The following ZNF532 variants were observed in gnomAD, a reference collection of about 807,000 sequenced individuals.
ZNF532 encodes zinc finger protein 532.
In ZNF532, 22 loss-of-function variants were observed where a neutral mutation model predicts 89.3. The observed-to-expected ratio is 0.25, with a 90% CI of 0.18 to 0.35. The LOEUF is 0.35. Ranked by LOEUF, ZNF532 falls within the 10% of genes least tolerant of loss-of-function variation. ZNF532 has a pLI of 1.00. For missense variants in ZNF532, 1,132 were observed against 1,643.4 expected, an observed-to-expected ratio of 0.69 and a Z score of 5.38; for synonymous variants, 606 against 649.6, an observed-to-expected ratio of 0.93 and a Z score of 1.02.
At chr18:58,893,842 C>T (rs1428244222) in intron 2 of ZNF532, among the ~76,000 whole-genome samples, 2 of 152,098 alleles carry the variant, frequency 1.3e-5, no homozygotes, top group Admixed American at 6.5e-5. Context: ...CCAGAGAGAG[C>T]AGTGGTTACA....
intron 2 of ZNF532, among the ~76,000 whole-genome samples, chr18:58,904,592 C>T: frequency 6.6e-6 from 1 of 152,016 alleles, no homozygotes; most frequent in Non-Finnish European, 1.5e-5. Context: ...AATTTCTTTC[C>T]TTGTGATCCC....
At chr18:58,961,007 T>C (rs1228198598) in intron 7 of ZNF532, among the ~76,000 whole-genome samples, 1 of 152,250 alleles carries the variant, frequency 6.6e-6, no homozygotes, top group East Asian at 1.9e-4. Context: ...TAACCCATCC[T>C]TCTTTGTGGC....
At chr18:58,976,235 A>T (rs1259346710) in intron 7 of ZNF532, among the ~76,000 whole-genome samples, 1 of 152,204 alleles carries the variant, frequency 6.6e-6, no homozygotes, top group Admixed American at 6.5e-5. Flanking sequence ...TGCATTTTTC[A>T]TAAAGATGCT....
At chr18:58,895,124 A>G (rs952270) in intron 2 of ZNF532, among the ~76,000 whole-genome samples, 5,490 of 152,308 alleles carry the variant, frequency 0.036, 98 homozygotes, top group East Asian at 0.056. Flanking sequence ...AATTGTTGCT[A>G]AAGTTTGACC....
chr18:58,958,153 A>C (rs914932171), intron 7 of ZNF532, among the ~76,000 whole-genome samples: 3 of 152,074 alleles, frequency 2.0e-5, no homozygotes, highest in African/African-American at 7.2e-5. Context: ...TCTTTTTAAA[A>C]AATGAATTGT....
chr18:58,941,107 A>G (rs999990402), intron 5 of ZNF532, among the ~76,000 whole-genome samples: 16 of 151,934 alleles, frequency 1.1e-4, no homozygotes, highest in Non-Finnish European at 2.2e-4. Context: ...TAGGACCTTC[A>G]TTCTGATCTT....
chr18:58,961,799 T>C (rs2065376122), intron 7 of ZNF532, among the ~76,000 whole-genome samples: 1 of 152,210 alleles, frequency 6.6e-6, no homozygotes, highest in Admixed American at 6.5e-5. Context: ...ATAGATGTCC[T>C]CCATGTGAGG....
chr18:58,942,521 G>A (rs985672043), intron 5 of ZNF532, among the ~76,000 whole-genome samples: 25 of 152,156 alleles, frequency 1.6e-4, no homozygotes, highest in Non-Finnish European at 3.1e-4. Flanking sequence ...TAATCGCATG[G>A]ATTCAGTGTG....
intron 2 of ZNF532, among the ~76,000 whole-genome samples, chr18:58,897,225 C>T (rs757070972): frequency 5.3e-5 from 8 of 152,120 alleles, no homozygotes; most frequent in Admixed American, 1.3e-4. Flanking sequence ...GCATTAAGCA[C>T]GTAATTTTGT....
intron 2 of ZNF532, among the ~76,000 whole-genome samples, chr18:58,898,149 C>A (rs139939047): frequency 3.3e-5 from 5 of 152,246 alleles, no homozygotes; most frequent in African/African-American, 1.2e-4. Flanking sequence ...GCTTACATTG[C>A]TAAACTTGGA....
intron 7 of ZNF532, among the ~76,000 whole-genome samples, chr18:58,967,639 G>A (rs2066058701): frequency 6.6e-6 from 1 of 152,090 alleles, no homozygotes. Flanking sequence ...GGCATGGAGA[G>A]CCTGGCAAGT....
rs577781410 is a variant in ZNF532 at position 58,866,943 on chromosome 18, T to C, written c.-18+1364T>C. 1.1e-4 allele frequency among the ~76,000 whole-genome samples: 17 copies of C among 152,374 alleles called. 1 individual carries two copies. The highest frequency in any genetic ancestry group is 3.4e-3 in the Middle Eastern group (1 of 294). On this transcript the variant is annotated intron_variant, in intron 2 of 9. Transcript: ENST00000591808. ...TTCTTTACAAATCACTGTGCTAAAA[T>C]TGGTTTTCAATTCTCCATCATTTCT...
chr18:58,868,200 T>C (rs1008938979), intron 2 of ZNF532, among the ~76,000 whole-genome samples: 1 of 152,242 alleles, frequency 6.6e-6, no homozygotes, highest in African/African-American at 2.4e-5. Flanking sequence ...CCCCATCATG[T>C]ACTCCTAATC....
At chr18:58,863,755 G>A (rs1203494806), upstream of ZNF532, 1 of 152,156 alleles carries the variant, frequency 6.6e-6, no homozygotes, top group African/African-American at 2.4e-5. Flanking sequence ...AAGGGGGTGG[G>A]TGTGCGCCTC....
chr18:58,947,111 A>G (rs556504972), intron 5 of ZNF532, among the ~76,000 whole-genome samples: 1 of 152,230 alleles, frequency 6.6e-6, no homozygotes, highest in South Asian at 2.1e-4. Flanking sequence ...CTTTGTGCCC[A>G]TTCTCACAGT....
At chr18:58,902,617 C>T (rs1299929260) in intron 2 of ZNF532, among the ~76,000 whole-genome samples, 2 of 151,854 alleles carry the variant, frequency 1.3e-5, no homozygotes, top group African/African-American at 2.4e-5. Context: ...CTCAGCCTCT[C>T]GAGTAGCTGG....
intron 2 of ZNF532, among the ~76,000 whole-genome samples, chr18:58,888,697 TTA>T (rs71336305): frequency 0.045 from 2,035 of 45,236 alleles, 137 homozygotes; most frequent in African/African-American, 0.068. Flanking sequence ...AAAAAAAAAA[TTA>T]TATATATATA....
intron 7 of ZNF532, among the ~76,000 whole-genome samples, chr18:58,967,161 G>A (rs1241431024): frequency 6.6e-6 from 1 of 152,234 alleles, no homozygotes; most frequent in African/African-American, 2.4e-5. Flanking sequence ...GGTAGGCCTA[G>A]AGGTAGAATA....
At chr18:58,942,369 T>TCCCTC (rs2063256338) in intron 5 of ZNF532, among the ~76,000 whole-genome samples, 1 of 93,288 alleles carries the variant, frequency 1.1e-5, no homozygotes, top group African/African-American at 6.3e-5. Flanking sequence ...CTTCCTTCCT[T>TCCCTC]CCTTCCTTCC....
Sources: allele counts gnomAD v4.1 joint callset (sites outside exome capture counted in the v4.1 genomes callset), GRCh38; gene constraint gnomAD v4.1.1; transcripts MANE v1.5; gene names NCBI Gene and HGNC (gene_info 2026-07-23, HGNC 2026-07-21).